MEGF11: variants seen among roughly 807,000 people sequenced by gnomAD.
MEGF11 encodes multiple EGF like domains 11, also known as multiple epidermal growth factor-like domains protein 11.
A neutral mutation model predicts 146.6 loss-of-function variants in MEGF11; 126 were observed. The ratio of observed to expected loss-of-function variants is 0.86; its 90% CI spans 0.74 to 1.00. The LOEUF is 1.00. Ranked by LOEUF, MEGF11 falls within the 50% of genes least tolerant of loss-of-function variation. The pLI, the probability that MEGF11 is intolerant of heterozygous loss-of-function variation, is 0.00. For missense variants in MEGF11, 1,509 were observed against 1,521.2 expected (o/e 0.99, Z 0.13); for synonymous variants, 532 against 583.4 (o/e 0.91, Z 1.27).
At chr15:65,941,480 C>T (rs1045400981) in intron 10 of MEGF11, among the ~76,000 whole-genome samples, 1 of 151,992 alleles carries the variant, frequency 6.6e-6, no homozygotes. Flanking sequence ...AGAGGCGGTC[C>T]ATGTGGCCAA....
rs1445989429 is a variant in MEGF11, at chr15:65,980,928, A to T, written c.642-30T>A. 3.3e-6 allele frequency: 5 copies of T among 1,531,426 alleles called. No homozygotes were observed. The South Asian group carries it at 5.2e-5, about 16-fold the overall frequency. 94.9% of individuals were successfully genotyped at this position (1,531,426 alleles called of 1,614,324 possible). On this transcript the variant is annotated intron_variant, in intron 6 of 25. Transcript: ENST00000395614. Reference sequence around the variant, plus strand: ...ATGGAGAAGCAGAGGTGTTAGACACAGCAGCATTCAGATCAGGTGGCAGGG... The same window carrying T: ...ATGGAGAAGCAGAGGTGTTAGACACTGCAGCATTCAGATCAGGTGGCAGGG...
Position 65,982,197 on chromosome 15 carries a change from C to T in MEGF11, c.641+45G>A. On this transcript the variant is annotated intron_variant, in intron 6 of 25. Transcript: ENST00000395614. This position sits in a 1 kb window ranked among gnomAD's most constrained non-coding sequence, Gnocchi z 5.6. ...CCCCACCCAGGCACCCTCCAGGTCC[C>T]GCCCCTCCAGGTCCCGCCCCTCCAG... 6.6e-7 allele frequency: 1 copy of T among 1,515,756 alleles called. No homozygotes were observed. The highest frequency in any genetic ancestry group is 8.8e-7 in the Non-Finnish European group (1 of 1,137,342). 93.9% of individuals were successfully genotyped at this position (1,515,756 alleles called of 1,614,324 possible).
intron 5 of MEGF11, among the ~76,000 whole-genome samples, chr15:66,036,909 T>A (rs2083747425): frequency 6.6e-6 from 1 of 152,164 alleles, no homozygotes; most frequent in African/African-American, 2.4e-5. Context: ...TCCTTGCATT[T>A]TTTCTTTCTT....
chr15:66,079,628 T>A (rs1440813328), intron 5 of MEGF11, among the ~76,000 whole-genome samples: 1 of 146,146 alleles, frequency 6.8e-6, no homozygotes, highest in Admixed American at 6.9e-5. Flanking sequence ...CAGATATTCC[T>A]CATAGACAAG....
chr15:66,200,160 A>G (rs1317569961), intron 1 of MEGF11, among the ~76,000 whole-genome samples: 1 of 152,258 alleles, frequency 6.6e-6, no homozygotes, highest in Non-Finnish European at 1.5e-5. Context: ...GCCTCCTTCA[A>G]TGGTTCAACA....
chr15:66,240,663 C>T (rs996787844), intron 1 of MEGF11, among the ~76,000 whole-genome samples: 1 of 152,200 alleles, frequency 6.6e-6, no homozygotes, highest in Admixed American at 6.5e-5. Flanking sequence ...TTATCACTCT[C>T]CTCTTACAGA....
intron 1 of MEGF11, among the ~76,000 whole-genome samples, chr15:66,239,807 G>A (rs1158296888): frequency 6.6e-6 from 1 of 152,232 alleles, no homozygotes; most frequent in African/African-American, 2.4e-5. Flanking sequence ...TTCTCCAGAG[G>A]CTTCCCAACA....
chr15:66,249,446 A>G (rs1176408133), intron 1 of MEGF11, among the ~76,000 whole-genome samples: 1 of 152,178 alleles, frequency 6.6e-6, no homozygotes, highest in Non-Finnish European at 1.5e-5. Flanking sequence ...ACCCCCACAG[A>G]GCCACCGGGC....
chr15:66,251,683 G>C (rs2092372707), intron 1 of MEGF11, among the ~76,000 whole-genome samples: 1 of 152,214 alleles, frequency 6.6e-6, no homozygotes, highest in African/African-American at 2.4e-5. Flanking sequence ...AGTAAAGTTA[G>C]AGTGGAATAC....
intron 5 of MEGF11, among the ~76,000 whole-genome samples, chr15:66,074,497 G>A (rs1469106945): frequency 2.0e-5 from 3 of 152,220 alleles, no homozygotes; most frequent in Non-Finnish European, 4.4e-5. Context: ...CTGGAGCCGA[G>A]TTTTTCAAAC....
At chr15:65,919,728 T>C (rs1419841824) in intron 15 of MEGF11, among the ~76,000 whole-genome samples, 1 of 152,138 alleles carries the variant, frequency 6.6e-6, no homozygotes, top group Non-Finnish European at 1.5e-5. Flanking sequence ...CCTCCCAGGT[T>C]CAAGCGATTC....
intron 5 of MEGF11, among the ~76,000 whole-genome samples, chr15:66,053,061 T>TGG (rs1414865390): frequency 6.6e-5 from 10 of 151,732 alleles, no homozygotes; most frequent in South Asian, 4.2e-4. Flanking sequence ...CATGGATGGA[T>TGG]AGATGGATGG....
intron 4 of MEGF11, among the ~76,000 whole-genome samples, chr15:66,098,833 GTGTGTC>G (rs1334956572): frequency 6.6e-6 from 1 of 152,220 alleles, no homozygotes; most frequent in African/African-American, 2.4e-5. Flanking sequence ...ACGTATTAGT[GTGTGTC>G]TGTGTCTGTA....
rs142918494 is a variant in MEGF11 at position 66,229,879 on chromosome 15, G to A, written c.-9+23726C>T. Among the ~76,000 whole-genome samples the A allele has an allele frequency of 1.8e-3, 277 of 152,298 alleles. 1 individual carries two copies. The highest frequency in any genetic ancestry group is 3.4e-3 in the Non-Finnish European group (230 of 68,026). ...GGGCAATGGGGCTGGCCTCAGAAAGGTTGGGGTTACTCTGGATCTATTTGT... is the reference window on the plus strand; with the variant it reads ...GGGCAATGGGGCTGGCCTCAGAAAGATTGGGGTTACTCTGGATCTATTTGT... On this transcript the variant is annotated intron_variant, in intron 1 of 25. Coordinates refer to ENST00000395614, the MANE Select transcript of MEGF11 (RefSeq NM_001385028.1).
Position 66,207,937 on chromosome 15 carries a change from T to C in MEGF11, c.-9+45668A>G, listed in dbSNP as rs1226202200. Among the ~76,000 whole-genome samples, 5 of 152,096 alleles carry C rather than the reference T, an allele frequency of 3.3e-5. No homozygotes were observed. The South Asian group carries it at 8.3e-4, about 25-fold the overall frequency. On this transcript the variant is annotated intron_variant, in intron 1 of 25. Transcript: ENST00000395614. ...GTCTCTACTAAAAAAAATACAAAAATTAGCCAGGTGTGGTAGTATACACTG... is the reference window on the plus strand; with the variant it reads ...GTCTCTACTAAAAAAAATACAAAAACTAGCCAGGTGTGGTAGTATACACTG...
At chr15:66,153,153 C>G (rs1340692850) in intron 1 of MEGF11, among the ~76,000 whole-genome samples, 1 of 152,214 alleles carries the variant, frequency 6.6e-6, no homozygotes, top group Non-Finnish European at 1.5e-5. Context: ...TTCTGTGGCT[C>G]CCACACTCCC....
At chr15:65,997,698 G>T (rs549476695) in intron 5 of MEGF11, among the ~76,000 whole-genome samples, 5 of 152,124 alleles carry the variant, frequency 3.3e-5, no homozygotes, top group African/African-American at 1.2e-4. Flanking sequence ...TATCCCCAGC[G>T]CCTCGAACAG....
At chr15:66,014,210 G>C (rs2082806320) in intron 5 of MEGF11, among the ~76,000 whole-genome samples, 1 of 152,182 alleles carries the variant, frequency 6.6e-6, no homozygotes, top group South Asian at 2.1e-4. Context: ...AGTAACTGTG[G>C]GGACTCCTAG....
intron 5 of MEGF11, among the ~76,000 whole-genome samples, chr15:66,007,487 C>T (rs1261117821): frequency 6.6e-6 from 1 of 152,096 alleles, no homozygotes; most frequent in Non-Finnish European, 1.5e-5. Flanking sequence ...TGGTGGCTCA[C>T]GCCTGTAATC....
Sources: allele counts gnomAD v4.1 joint callset (sites outside exome capture counted in the v4.1 genomes callset), GRCh38; gene constraint gnomAD v4.1.1; non-coding constraint Gnocchi (gnomAD v3.1); transcripts MANE v1.5; gene names NCBI Gene and HGNC (gene_info 2026-07-23, HGNC 2026-07-21).